The following PTPN9 variants were observed in gnomAD, a reference collection of about 807,000 sequenced individuals.
PTPN9 encodes tyrosine-protein phosphatase non-receptor type 9.
Under a neutral mutation model 69.8 loss-of-function variants are expected in PTPN9, and 26 were observed. The observed-to-expected ratio is 0.37, with a 90% CI of 0.27 to 0.52. The LOEUF is 0.52. Ranked by LOEUF, PTPN9 falls within the 20% of genes least tolerant of loss-of-function variation. The pLI is 0.91. For missense variants in PTPN9, 549 were observed against 740.3 expected (o/e 0.74, Z 3.00); for synonymous variants, 274 against 272.5 (o/e 1.01, Z -0.05).
At chr15:75,565,478 G>A (rs1482859552) in intron 1 of PTPN9, among the ~76,000 whole-genome samples, 1 of 152,104 alleles carries the variant, frequency 6.6e-6, no homozygotes, top group African/African-American at 2.4e-5. Context: ...GTAGGGAGCT[G>A]TCCTATGCAT....
chr15:75,518,496 A>AG (rs1290208294), intron 4 of PTPN9, among the ~76,000 whole-genome samples: 1 of 151,502 alleles, frequency 6.6e-6, no homozygotes, highest in Admixed American at 6.6e-5. Context: ...GGGAAAAGAA[A>AG]GAAAAAAAAG....
rs1567506831 is a variant in PTPN9, at chr15:75,530,667, CTATTATAT to C, written c.64-3414_64-3407del. Among the ~76,000 whole-genome samples the C allele has an allele frequency of 4.8e-5, 2 of 41,678 alleles. 1 individual carries two copies. Among genetic ancestry groups the C allele is most frequent in the African/African-American group, 2.8e-4 (2 of 7,106 alleles). The allele number at this position is 41,678 out of a possible 152,430, so 27.3% of individuals were successfully genotyped here. ...ATAATATATATTATTATATAATATA[CTATTATAT>C]ATATTATTATATTATAATATATATA... On this transcript the variant is annotated intron_variant, in intron 1 of 12. Coordinates refer to ENST00000618819, the MANE Select transcript of PTPN9 (RefSeq NM_002833.4).
intron 1 of PTPN9, among the ~76,000 whole-genome samples, chr15:75,573,321 A>G (rs1417027343): frequency 6.6e-6 from 1 of 152,206 alleles, no homozygotes; most frequent in Non-Finnish European, 1.5e-5. Context: ...GAGTTTAGAA[A>G]AGATACTGTT....
chr15:75,469,667 G>T, intron 12 of PTPN9, 125 bp downstream of exon 12: 1 of 1,053,442 alleles, frequency 9.5e-7, no homozygotes, highest in Non-Finnish European at 1.4e-6. Context: ...ATTTTTCACA[G>T]CAATTCACCA....
chr15:75,517,706 A>G (rs1443352712), intron 4 of PTPN9, among the ~76,000 whole-genome samples: 1 of 152,148 alleles, frequency 6.6e-6, no homozygotes, highest in Non-Finnish European at 1.5e-5. Context: ...TTCCTCTTCC[A>G]TGAAAGTTTC....
At chr15:75,484,593 G>A (rs2074662995) in intron 8 of PTPN9, among the ~76,000 whole-genome samples, 1 of 152,156 alleles carries the variant, frequency 6.6e-6, no homozygotes, top group African/African-American at 2.4e-5. Flanking sequence ...GATCCAGGCT[G>A]ATAAAAGAGA....
rs1456820582 is a variant in PTPN9 at position 75,468,121 on chromosome 15, C to T, written c.*648G>A. 5 of 152,618 alleles carry T rather than the reference C, an allele frequency of 3.3e-5. No individual in the cohort carries two copies. The highest frequency in any genetic ancestry group is 7.2e-5 in the African/African-American group (3 of 41,412). 9.5% of individuals were successfully genotyped at this position (152,618 alleles called of 1,614,324 possible). A position where few individuals can be genotyped will look rare whatever the true frequency, so the allele number is the denominator to read the frequency against. Reference sequence around the variant, plus strand: ...AAGCAAGGAGTCCTGAACTGCAACACGGAGCCCCAGGAACTTCTGGAAAGG... The same window carrying T: ...AAGCAAGGAGTCCTGAACTGCAACATGGAGCCCCAGGAACTTCTGGAAAGG... On this transcript the variant is annotated 3_prime_UTR_variant, in exon 13 of 13. Coordinates refer to ENST00000618819, the MANE Select transcript of PTPN9 (RefSeq NM_002833.4).
chr15:75,553,760 T>G (rs1203403940), intron 1 of PTPN9, among the ~76,000 whole-genome samples: 1 of 152,126 alleles, frequency 6.6e-6, no homozygotes, highest in Non-Finnish European at 1.5e-5. Flanking sequence ...TACTTGATGC[T>G]AATCTGCACC....
Position 75,468,301 on chromosome 15 carries a change from C to T in PTPN9, c.*468G>A, listed in dbSNP as rs186734842. ...CTGGAATACACGCCCTACTTATAAA[C>T]GTGCTTGGCACTCAGGACGATCTCT... On this transcript the variant is annotated 3_prime_UTR_variant, in exon 13 of 13. Transcript: ENST00000618819. The T allele has an allele frequency of 1.7e-3, 280 of 169,014 alleles. No individual in the cohort carries two copies. Among genetic ancestry groups the T allele is most frequent in the South Asian group, 2.1e-3 (14 of 6,704 alleles). The allele number at this position is 169,014 out of a possible 1,614,324, so 10.5% of individuals were successfully genotyped here.
intron 1 of PTPN9, among the ~76,000 whole-genome samples, chr15:75,550,588 G>C (rs1026388349): frequency 3.3e-5 from 5 of 151,554 alleles, no homozygotes; most frequent in African/African-American, 1.2e-4. Flanking sequence ...AGGAGTTCCA[G>C]ACCAGCCTGT....
At chr15:75,574,885 T>A (rs1393151626) in intron 1 of PTPN9, among the ~76,000 whole-genome samples, 2 of 133,440 alleles carry the variant, frequency 1.5e-5, no homozygotes, top group Non-Finnish European at 3.1e-5. Context: ...GAGGTTGCAA[T>A]GAGCCAAGAT....
At chr15:75,477,898 T>C (rs2141290273) in intron 9 of PTPN9, among the ~76,000 whole-genome samples, 1 of 145,126 alleles carries the variant, frequency 6.9e-6, no homozygotes, top group East Asian at 2.1e-4. Flanking sequence ...TGGAGTGCAA[T>C]GGCGCAGTCG....
chr15:75,523,081 C>T (rs1333219434), intron 4 of PTPN9, 40 bp downstream of exon 4: 12 of 1,602,688 alleles, frequency 7.5e-6, no homozygotes, highest in African/African-American at 2.7e-5. Context: ...CACTTTCCTA[C>T]CTGCATGTAG....
chr15:75,527,256 G>A lies in PTPN9; in HGVS notation c.69C>T (p.Thr23=). Residue 23 remains threonine (T), a synonymous_variant, in exon 2 of 13, where the codon ACC becomes ACT. Coordinates refer to ENST00000618819, the MANE Select transcript of PTPN9 (RefSeq NM_002833.4). ...TGTTAATCTCTTCGAGAAACTGCTT[G>A]GTAGCCTGTTTGACAAAGAAAGAAA... ...PELTPEEEQA[T]KQFLEEINKW... 1 of 1,613,872 alleles carries A rather than the reference G, an allele frequency of 6.2e-7. No individual in the cohort carries two copies. Among genetic ancestry groups the A allele is most frequent in the Non-Finnish European group, 8.5e-7 (1 of 1,179,902 alleles).
intron 1 of PTPN9, among the ~76,000 whole-genome samples, chr15:75,530,479 AAT>A (rs1452577790): frequency 4.1e-5 from 4 of 98,458 alleles, no homozygotes; most frequent in Non-Finnish European, 5.6e-5. Context: ...TAATAATAAA[AAT>A]ATATATTATA....
At chr15:75,479,998 C>T in intron 8 of PTPN9, 84 bp from the exon 9 acceptor site, 1 of 936,776 alleles carries the variant, frequency 1.1e-6, no homozygotes, top group South Asian at 1.7e-5. Flanking sequence ...AAGTAAAACC[C>T]AAGGTGTGAA....
chr15:75,556,577 C>T (rs1003693925), intron 1 of PTPN9, among the ~76,000 whole-genome samples: 2 of 151,830 alleles, frequency 1.3e-5, no homozygotes, highest in Non-Finnish European at 2.9e-5. Flanking sequence ...AGAGTTTTGC[C>T]ATATTGCCCA....
chr15:75,559,074 AG>A (rs1158740503), intron 1 of PTPN9, among the ~76,000 whole-genome samples: 3 of 148,390 alleles, frequency 2.0e-5, no homozygotes, highest in Non-Finnish European at 3.0e-5. Flanking sequence ...CATCCCGTCT[AG>A]GAAGTGAGGA....
chr15:75,574,347 G>A (rs1567532707), intron 1 of PTPN9, among the ~76,000 whole-genome samples: 3 of 151,860 alleles, frequency 2.0e-5, no homozygotes, highest in African/African-American at 4.8e-5. Context: ...GCTTCTTTGC[G>A]GGGCAGGCAG....
Sources: gnomAD v4.1 joint callset for allele counts (sites outside exome capture counted in the v4.1 genomes callset) on GRCh38, gnomAD v4.1.1 for gene constraint, MANE v1.5 for transcripts, NCBI Gene and HGNC (gene_info 2026-07-23, HGNC 2026-07-21) for gene names.